P2RY8: variants seen among roughly 807,000 people sequenced by gnomAD.
P2RY8 encodes the protein S-geranylgeranyl-glutathione receptor P2RY8.
P2RY8 carries 6 observed loss-of-function variants against 10.0 expected under a neutral mutation model. The ratio of observed to expected loss-of-function variants is 0.60; its 90% confidence interval spans 0.33 to 1.19. The LOEUF is 1.19. Ranked by LOEUF, P2RY8 falls within the 50% of genes most tolerant of loss-of-function variation. The pLI is 0.04. For missense variants in P2RY8, 456 were observed against 542.0 expected (o/e 0.84, Z 1.58); for synonymous variants, 276 against 252.5 (o/e 1.09, Z -0.88).
rs752935842 is a variant in P2RY8, at chrX:1,506,119, A to G, written c.-25+30802T>C. ...GTGATTCTCCTGCCTCAGCCTCCCT[A>G]GTAGCTGGGATTATAGGCACCCGCC... On this transcript the variant is annotated intron_variant, in intron 1 of 1. Coordinates refer to ENST00000381297, the MANE Select transcript of P2RY8 (RefSeq NM_178129.5). Among the ~76,000 whole-genome samples the G allele has an allele frequency of 2.0e-5, 3 of 150,644 alleles. No homozygotes were observed. In the East Asian group the frequency reaches 5.9e-4, roughly 30 times the overall value.
At chrX:1,472,000 A>G (rs2091793515) in intron 1 of P2RY8, among the ~76,000 whole-genome samples, 1 of 151,990 alleles carries the variant, frequency 6.6e-6, no homozygotes, top group African/African-American at 2.4e-5. Context: ...GGTTCTTTTG[A>G]TAGGGCTGCC....
intron 1 of P2RY8, among the ~76,000 whole-genome samples, chrX:1,511,457 T>G (rs183189629): frequency 3.6e-4 from 55 of 152,376 alleles, no homozygotes; most frequent in African/African-American, 1.3e-3. Context: ...TGCCAGAGGC[T>G]ACATTTCCCA....
Position 1,466,166 on chromosome X carries a change from G to C in P2RY8, c.393C>G (p.Ser131=). 6.2e-7 allele frequency: 1 copy of C among 1,612,262 alleles called. No homozygotes were observed. The highest frequency in any genetic ancestry group is 1.1e-5 in the South Asian group (1 of 90,926). ...RFLGVLYPLS[S]KRWRRRRYAV... ...CGTAACGACGGCGGCGCCAGCGCTT[G>C]GAGCTGAGCGGGTACAGGACCCCCA... Residue 131 remains serine, a synonymous_variant, in exon 2 of 2, where the codon TCC becomes TCG. Transcript: ENST00000381297.
intron 1 of P2RY8, among the ~76,000 whole-genome samples, chrX:1,495,795 C>A (rs113165273): frequency 4.9e-5 from 6 of 121,436 alleles, no homozygotes; most frequent in East Asian, 6.5e-4. Context: ...CCTCCACCCT[C>A]CAGGACTGTG....
At chrX:1,530,087 A>C (rs1315098007) in intron 1 of P2RY8, among the ~76,000 whole-genome samples, 1 of 151,850 alleles carries the variant, frequency 6.6e-6, no homozygotes, top group African/African-American at 2.4e-5. Flanking sequence ...TCTCTCCGTC[A>C]TCCATCTATG....
chrX:1,490,998 A>G (rs868767779), intron 1 of P2RY8, among the ~76,000 whole-genome samples: 3,025 of 145,214 alleles, frequency 0.021, 44 homozygotes, highest in African/African-American at 0.053. Flanking sequence ...GATATTCCCC[A>G]CAAATGTGGG....
rs2149367949 is a variant in P2RY8, at chrX:1,464,895, GA to G, written c.*583del. ...CACAGCAACCACAGTGCCCCTGAGT[GA>G]AATAAACAGAAATTTCGGCGTGCAC... On this transcript the variant is annotated 3_prime_UTR_variant, in exon 2 of 2. Coordinates refer to ENST00000381297, the MANE Select transcript of P2RY8 (RefSeq NM_178129.5). 4.3e-6 allele frequency: 1 copy of G among 234,694 alleles called. No individual in the cohort carries two copies. The highest frequency in any genetic ancestry group is 2.2e-5 in the African/African-American group (1 of 45,458). The allele number at this position is 234,694 out of a possible 1,614,324, so 14.5% of individuals were successfully genotyped here. A position where few individuals can be genotyped will look rare whatever the true frequency, so the allele number is the denominator to read the frequency against.
chrX:1,528,832 G>A (rs1302625326), intron 1 of P2RY8, among the ~76,000 whole-genome samples: 1 of 152,176 alleles, frequency 6.6e-6, no homozygotes. Context: ...CTCTTTGAAT[G>A]AGTGTGGATT....
At chrX:1,496,438 C>T (rs1475191964) in intron 1 of P2RY8, among the ~76,000 whole-genome samples, 1 of 152,136 alleles carries the variant, frequency 6.6e-6, no homozygotes, top group East Asian at 1.9e-4. Context: ...GGTGCGACTC[C>T]CTGGGATCCT....
chrX:1,482,876 A>G, intron 1 of P2RY8, among the ~76,000 whole-genome samples: 1 of 148,472 alleles, frequency 6.7e-6, no homozygotes, highest in South Asian at 2.2e-4. Flanking sequence ...TCTCACTCAT[A>G]GGTGGGAATT....
chrX:1,467,057 G>A (rs2091695108), intron 1 of P2RY8, among the ~76,000 whole-genome samples: 1 of 152,028 alleles, frequency 6.6e-6, no homozygotes. Flanking sequence ...CCCCGTGGAC[G>A]GAAACCACAA....
chrX:1,468,260 C>T (rs2091720128), intron 1 of P2RY8, among the ~76,000 whole-genome samples: 1 of 152,210 alleles, frequency 6.6e-6, no homozygotes, highest in Admixed American at 6.5e-5. Context: ...TTTAACTCTC[C>T]ACGTAGGCAG....
At chrX:1,475,393 A>T (rs1379123321) in intron 1 of P2RY8, among the ~76,000 whole-genome samples, 2 of 152,144 alleles carry the variant, frequency 1.3e-5, no homozygotes, top group Non-Finnish European at 2.9e-5. Context: ...AGCTGCAGCA[A>T]AGCTTGGAAC....
At chrX:1,515,766 T>A (rs1174514228) in intron 1 of P2RY8, among the ~76,000 whole-genome samples, 1 of 151,948 alleles carries the variant, frequency 6.6e-6, no homozygotes, top group Admixed American at 6.6e-5. Flanking sequence ...CCAAAATATA[T>A]AGGTTTCAAC....
chrX:1,468,719 G>A (rs1376308841), intron 1 of P2RY8, among the ~76,000 whole-genome samples: 1 of 146,786 alleles, frequency 6.8e-6, no homozygotes, highest in African/African-American at 2.6e-5. Flanking sequence ...CTGTAGGTGG[G>A]ACCCTCCTCT....
intron 1 of P2RY8, among the ~76,000 whole-genome samples, chrX:1,507,472 A>G (rs1227991175): frequency 5.3e-5 from 8 of 152,052 alleles, no homozygotes; most frequent in Non-Finnish European, 8.8e-5. Flanking sequence ...GAAAATCATC[A>G]CTGAGCCAGA....
intron 1 of P2RY8, among the ~76,000 whole-genome samples, chrX:1,483,517 C>T (rs1312434418): frequency 6.6e-6 from 1 of 152,070 alleles, no homozygotes; most frequent in African/African-American, 2.4e-5. Flanking sequence ...GCCTGTAATC[C>T]CAGCTACTCA....
chrX:1,473,736 G>GTGGATGGGTGGA, intron 1 of P2RY8, among the ~76,000 whole-genome samples: 1 of 40,170 alleles, frequency 2.5e-5, no homozygotes, highest in African/African-American at 9.9e-5. Flanking sequence ...GGATGGGTGG[G>GTGGATGGGTGGA]TGGATGGATG....
At chrX:1,497,221 C>CAAAAA (rs555047911) in intron 1 of P2RY8, among the ~76,000 whole-genome samples, 2 of 84,496 alleles carry the variant, frequency 2.4e-5, no homozygotes, top group African/African-American at 8.7e-5. Context: ...GACTCCGTCT[C>CAAAAA]AAAAAAAAAA....
Sources: allele counts gnomAD v4.1 joint callset (sites outside exome capture counted in the v4.1 genomes callset), GRCh38; gene constraint gnomAD v4.1.1; transcripts MANE v1.5; gene names NCBI Gene and HGNC (gene_info 2026-07-23, HGNC 2026-07-21).